The following ACTN2 variants were observed in gnomAD, a reference collection of about 807,000 sequenced individuals.
ACTN2 encodes the protein actinin alpha 2.
ACTN2 carries 39 observed loss-of-function variants against 113.8 expected under a neutral mutation model. That is an observed-to-expected ratio of 0.34 (90% CI 0.27 to 0.45). The LOEUF is 0.45. Ranked by LOEUF, ACTN2 falls within the 20% of genes least tolerant of loss-of-function variation. The pLI is 1.00. For synonymous variants in ACTN2, 429 were observed against 444.1 expected (o/e 0.97, Z 0.43); for missense variants, 992 against 1,177.9 (o/e 0.84, Z 2.31).
At chr1:236,744,238 T>C (rs959360027) in intron 11 of ACTN2, among the ~76,000 whole-genome samples, 13 of 152,156 alleles carry the variant, frequency 8.5e-5, no homozygotes, top group African/African-American at 3.1e-4. Context: ...GATAGACAAA[T>C]GGAGCACCGG....
Position 236,757,495 on chromosome 1 carries a change from G to T in ACTN2, c.2164G>T (p.Val722Phe). 6.2e-7 allele frequency: 1 copy of T among 1,614,120 alleles called. No individual in the cohort carries two copies. The highest frequency in any genetic ancestry group is 8.5e-7 in the Non-Finnish European group (1 of 1,180,014). The change falls in exon 18 of 21, where the codon GTT becomes TTT. Residue 722 changes from valine to phenylalanine, a missense_variant. This residue lies in a region of ACTN2 where 736 missense variants were observed against 815.4 expected (regional missense o/e 0.90). Transcript: ENST00000366578. ...CCTTTTCCCTCAATAGCACATTCGT[G>T]TTGGATGGGAGCTGCTGCTGACAAC... ...HTNYTMEHIR[V>F]GWELLLTTIA...
At chr1:236,721,420 T>C (rs947450) in intron 4 of ACTN2, among the ~76,000 whole-genome samples, 151,045 of 152,212 alleles carry the variant, frequency 0.99, 74,950 homozygotes, top group Middle Eastern at 1. Flanking sequence ...CTTGCCCTTA[T>C]GGACCTTCAA....
chr1:236,703,435 T>A (rs1400262011), intron 1 of ACTN2, among the ~76,000 whole-genome samples: 6 of 102,808 alleles, frequency 5.8e-5, no homozygotes, highest in African/African-American at 2.0e-4. Flanking sequence ...CCTACTACCT[T>A]TTTTTTTTTT....
intron 8 of ACTN2, among the ~76,000 whole-genome samples, chr1:236,735,991 G>GA (rs1658862219): frequency 6.6e-6 from 1 of 151,878 alleles, no homozygotes; most frequent in South Asian, 2.1e-4. Context: ...TTGTGCTTTA[G>GA]AAAAAAAATG....
intron 7 of ACTN2, chr1:236,734,289 T>C (rs16834297): frequency 3.7e-6 from 2 of 545,376 alleles, no homozygotes; most frequent in South Asian, 2.7e-5. Context: ...TGTGACTTCT[T>C]TGATTTGAGC....
At chr1:236,721,108 A>G (rs980968498) in intron 4 of ACTN2, among the ~76,000 whole-genome samples, 10 of 140,382 alleles carry the variant, frequency 7.1e-5, no homozygotes, top group African/African-American at 2.4e-4. Flanking sequence ...GCTCACTGCA[A>G]GCTCTGCCTC....
At chr1:236,760,322 G>C (rs1191844318) in intron 19 of ACTN2, among the ~76,000 whole-genome samples, 1 of 152,034 alleles carries the variant, frequency 6.6e-6, no homozygotes, top group East Asian at 1.9e-4. Context: ...TAGTGAAGGA[G>C]ATGAGAACAT....
chr1:236,694,257 T>C (rs547217897), intron 1 of ACTN2, among the ~76,000 whole-genome samples: 88 of 150,826 alleles, frequency 5.8e-4, no homozygotes, highest in African/African-American at 2.0e-3. Context: ...TTCACTGTCG[T>C]TGCCCGGGCT....
At chr1:236,703,433 CTTTTTTTTTTTTT>C (rs35432183) in intron 1 of ACTN2, among the ~76,000 whole-genome samples, 1 of 98,838 alleles carries the variant, frequency 1.0e-5, no homozygotes, top group African/African-American at 3.9e-5. Flanking sequence ...GGCCTACTAC[CTTTTTTTTTTTTT>C]TTTTTTTTTT....
In ACTN2 at chr1:236,686,600, G is replaced by A; in HGVS notation, c.-74G>A. ...CCGCCGCCCGCCGCCCGCCGCCTCC[G>A]TGGGTCCGTTTGCCAGTCAGCCCGT... On this transcript the variant is annotated 5_prime_UTR_variant, in exon 1 of 21. It adds an upstream start codon to the 5' untranslated region. Coordinates refer to ENST00000366578, the MANE Select transcript of ACTN2 (RefSeq NM_001103.4). 1 of 1,462,318 alleles carries A rather than the reference G, an allele frequency of 6.8e-7. No homozygotes were observed. The highest frequency in any genetic ancestry group is 9.0e-7 in the Non-Finnish European group (1 of 1,106,670). 90.6% of individuals were successfully genotyped at this position (1,462,318 alleles called of 1,614,324 possible). A position where few individuals can be genotyped will look rare whatever the true frequency, so the allele number is the denominator to read the frequency against.
At position 236,754,405 on chromosome 1, in the gene ACTN2, A is replaced by G. The variant is rs1659491192; in HGVS notation, c.1974+324A>G. ...GCAGGGCCTGGATTTCAAACCATCT[A>G]TCCCTACAAGGAGGACACGTGAAGG... On this transcript the variant is annotated intron_variant, in intron 16 of 20. Transcript: ENST00000366578. This position sits in a 1 kb window ranked among gnomAD's most constrained non-coding sequence, Gnocchi z 4.9. 6.6e-6 allele frequency among the ~76,000 whole-genome samples: 1 copy of G among 152,154 alleles called. No homozygotes were observed. The highest frequency in any genetic ancestry group is 2.4e-5 in the African/African-American group (1 of 41,438).
At chr1:236,728,573 A>C (rs1658626973) in intron 6 of ACTN2, among the ~76,000 whole-genome samples, 1 of 152,224 alleles carries the variant, frequency 6.6e-6, no homozygotes, top group Non-Finnish European at 1.5e-5. Flanking sequence ...TTATTGTTAG[A>C]AAATATCATT....
chr1:236,736,608 A>G, intron 8 of ACTN2: 1 of 1,535,574 alleles, frequency 6.5e-7, no homozygotes, highest in Non-Finnish European at 8.7e-7. Context: ...ATCCCCCTCC[A>G]GAAAGTTCTA....
intron 1 of ACTN2, among the ~76,000 whole-genome samples, chr1:236,711,503 C>T (rs1658024140): frequency 6.6e-6 from 1 of 152,168 alleles, no homozygotes; most frequent in Non-Finnish European, 1.5e-5. Flanking sequence ...CATGCGCCAC[C>T]ACGCCAGGCT....
At chr1:236,740,913 C>T (rs1248398699) in intron 10 of ACTN2, among the ~76,000 whole-genome samples, 1 of 152,180 alleles carries the variant, frequency 6.6e-6, no homozygotes, top group Admixed American at 6.5e-5. Context: ...CCAGCGAGGC[C>T]TTCTCCATCT....
intron 18 of ACTN2, among the ~76,000 whole-genome samples, chr1:236,759,266 C>T (rs1572150498): frequency 1.3e-5 from 2 of 152,304 alleles, no homozygotes; most frequent in South Asian, 4.1e-4. Context: ...ACAACCATCT[C>T]TTGTTGAAAG....
Position 236,749,050 on chromosome 1 carries a change from T to C in ACTN2, c.1516-74T>C, listed in dbSNP as rs569930523. On this transcript the variant is annotated intron_variant, in intron 13 of 20. Transcript: ENST00000366578. ...AATATCAGAGAATAGTCTGTTCTTA[T>C]GGAACGCCTACTTACACTTTCAGTG... The C allele has an allele frequency of 3.3e-6, 5 of 1,505,348 alleles. No individual in the cohort carries two copies. In the South Asian group the frequency reaches 3.4e-5, roughly 10 times the overall value. 93.2% of individuals were successfully genotyped at this position (1,505,348 alleles called of 1,614,324 possible). A position where few individuals can be genotyped will look rare whatever the true frequency, so the allele number is the denominator to read the frequency against.
chr1:236,743,018 C>T lies in ACTN2; in HGVS notation c.1230C>T (p.Ala410=), dbSNP rs1352248998. The T allele has an allele frequency of 6.2e-7, 1 of 1,614,120 alleles. No individual in the cohort carries two copies. Among genetic ancestry groups the T allele is most frequent in the South Asian group, 1.1e-5 (1 of 91,078 alleles). Residue 410 remains alanine, a synonymous_variant, in exon 11 of 21, where the codon GCC becomes GCT. Coordinates refer to ENST00000366578, the MANE Select transcript of ACTN2 (RefSeq NM_001103.4). ...TGGCTGAGAAGTTCAGGCAGAAGGC[C>T]TCAACGCACGAGACTTGGGCTTATG... ...EHLAEKFRQK[A]STHETWAYGK...
At chr1:236,753,870 A>AAAAATAACC in intron 15 of ACTN2, 77 bp from the exon 16 acceptor site, 2 of 1,088,472 alleles carry the variant, frequency 1.8e-6, no homozygotes, top group Non-Finnish European at 2.5e-6. Flanking sequence ...CACCCCTTGG[A>AAAAATAACC]CTATTCCCGC....
Sources: gnomAD v4.1 joint callset for allele counts (sites outside exome capture counted in the v4.1 genomes callset) on GRCh38, gnomAD v4.1.1 for gene constraint, gnomAD v4.1.1 regional missense constraint, Gnocchi (gnomAD v3.1) non-coding constraint, MANE v1.5 for transcripts, NCBI Gene and HGNC (gene_info 2026-07-23, HGNC 2026-07-21) for gene names.